PDE1C: variants seen among roughly 807,000 people sequenced by gnomAD.
The protein encoded by PDE1C is phosphodiesterase 1C, also known as dual specificity calcium/calmodulin-dependent 3',5'-cyclic nucleotide phosphodiesterase 1C.
In PDE1C, 62 loss-of-function variants were observed where a neutral mutation model predicts 93.1. The ratio of observed to expected loss-of-function variants is 0.67; its 90% confidence interval spans 0.54 to 0.82. PDE1C has a LOEUF of 0.82. Ranked by LOEUF, PDE1C falls within the 40% of genes least tolerant of loss-of-function variation. The pLI is 0.00. For synonymous variants in PDE1C, 325 were observed against 310.1 expected (o/e 1.05, Z -0.50); for missense variants, 742 against 884.6 (o/e 0.84, Z 2.04).
intron 12 of PDE1C, among the ~76,000 whole-genome samples, chr7:31,826,778 A>G (rs992195225): frequency 1.3e-5 from 2 of 152,146 alleles, no homozygotes; most frequent in Admixed American, 6.6e-5. Context: ...AAATCCTCCA[A>G]TTAATCCTCT....
intron 1 of PDE1C, among the ~76,000 whole-genome samples, chr7:32,269,415 A>T (rs569470753): frequency 6.6e-6 from 1 of 152,108 alleles, no homozygotes; most frequent in Admixed American, 6.6e-5. Context: ...GTATATATGC[A>T]TATGGCAGGG....
the PDE1C span, among the ~76,000 whole-genome samples, chr7:31,724,581 G>A: frequency 7.6e-3 from 1,158 of 152,214 alleles, 11 homozygotes; most frequent in African/African-American, 0.025. Context: ...TCTTTCCTTA[G>A]CCCAGTGCCC....
intron 1 of PDE1C, among the ~76,000 whole-genome samples, chr7:32,224,370 CA>C (rs79814137): frequency 1.7e-3 from 236 of 138,446 alleles, no homozygotes; most frequent in Non-Finnish European, 1.7e-3. Context: ...GACTCCATCT[CA>C]AAAAAAAAAA....
At chr7:32,191,395 C>G (rs537198562) in intron 2 of PDE1C, among the ~76,000 whole-genome samples, 5 of 152,096 alleles carry the variant, frequency 3.3e-5, no homozygotes, top group Non-Finnish European at 7.4e-5. Context: ...CACCCTACCC[C>G]CTCTTTTAAC....
chr7:32,210,923 A>G (rs963630709), intron 1 of PDE1C, among the ~76,000 whole-genome samples: 3 of 152,220 alleles, frequency 2.0e-5, no homozygotes, highest in Non-Finnish European at 4.4e-5. Flanking sequence ...TTTCAAAAAA[A>G]GAAAGAAATG....
At chr7:32,211,956 G>A (rs1480288326) in intron 1 of PDE1C, among the ~76,000 whole-genome samples, 1 of 149,238 alleles carries the variant, frequency 6.7e-6, no homozygotes, top group African/African-American at 2.5e-5. Context: ...AGCCCAGGAG[G>A]TTGAGGCTGC....
intron 1 of PDE1C, among the ~76,000 whole-genome samples, chr7:32,377,503 A>G (rs923117895): frequency 1.3e-5 from 2 of 152,162 alleles, no homozygotes; most frequent in African/African-American, 4.8e-5. Flanking sequence ...ATCTCTTTAT[A>G]GTTGCTTTGT....
upstream of PDE1C, among the ~76,000 whole-genome samples, chr7:32,073,262 C>T (rs957616864): frequency 2.6e-5 from 4 of 152,090 alleles, no homozygotes; most frequent in Non-Finnish European, 5.9e-5. Context: ...GATTTTGTTT[C>T]ATTTGAGAAA....
chr7:32,179,361 G>A (rs1026697894), intron 2 of PDE1C, among the ~76,000 whole-genome samples: 1 of 149,882 alleles, frequency 6.7e-6, no homozygotes, highest in Non-Finnish European at 1.5e-5. Flanking sequence ...CCAGGTTCAA[G>A]CGATTTCTCC....
intron 1 of PDE1C, among the ~76,000 whole-genome samples, chr7:32,267,279 G>T (rs34496191): frequency 7.9e-5 from 12 of 151,728 alleles, no homozygotes; most frequent in African/African-American, 1.7e-4. Context: ...GAGGAAGCAC[G>T]TCTAAGGGAC....
At chr7:31,867,920 TCACGTA>T (rs1795495348) in intron 6 of PDE1C, among the ~76,000 whole-genome samples, 1 of 152,098 alleles carries the variant, frequency 6.6e-6, no homozygotes, top group Non-Finnish European at 1.5e-5. Flanking sequence ...ACTGAAGAAA[TCACGTA>T]CACTGCTGAC....
chr7:32,050,788 A>T (rs1013762158), intron 2 of PDE1C, among the ~76,000 whole-genome samples: 2 of 152,210 alleles, frequency 1.3e-5, no homozygotes, highest in Non-Finnish European at 2.9e-5. Context: ...AAGTCAGCAA[A>T]CTACATCTGT....
chr7:32,264,627 G>A (rs990882706), intron 1 of PDE1C, among the ~76,000 whole-genome samples: 1 of 152,156 alleles, frequency 6.6e-6, no homozygotes, highest in African/African-American at 2.4e-5. Context: ...CCAGAACTTC[G>A]GTTGAATGCA....
At chr7:32,147,729 C>T (rs887005148) in intron 3 of PDE1C, among the ~76,000 whole-genome samples, 1 of 152,064 alleles carries the variant, frequency 6.6e-6, no homozygotes. Flanking sequence ...GAGACAACCA[C>T]AATTCCCATA....
chr7:32,333,068 A>G (rs890922963), intron 1 of PDE1C, among the ~76,000 whole-genome samples: 1 of 152,186 alleles, frequency 6.6e-6, no homozygotes, highest in African/African-American at 2.4e-5. Flanking sequence ...AACACTTAGG[A>G]AGAGTATTTG....
chr7:31,832,899 A>C (rs1336469545), intron 11 of PDE1C, among the ~76,000 whole-genome samples: 2 of 152,184 alleles, frequency 1.3e-5, no homozygotes, highest in African/African-American at 4.8e-5. Context: ...TTAATACCTC[A>C]AACTATATGA....
At chr7:32,366,792 G>A (rs891802276) in intron 1 of PDE1C, among the ~76,000 whole-genome samples, 12 of 151,790 alleles carry the variant, frequency 7.9e-5, no homozygotes, top group East Asian at 3.9e-4. Flanking sequence ...AAAGGCTGCC[G>A]GTCAGGCAGA....
intron 1 of PDE1C, among the ~76,000 whole-genome samples, chr7:32,361,805 A>G (rs186110423): frequency 2.0e-5 from 3 of 152,252 alleles, no homozygotes; most frequent in Admixed American, 2.0e-4. Flanking sequence ...TCTCCTCCCA[A>G]ACAGCCTTCT....
intron 2 of PDE1C, among the ~76,000 whole-genome samples, chr7:32,029,853 T>C (rs1440537989): frequency 2.6e-5 from 4 of 152,120 alleles, no homozygotes; most frequent in African/African-American, 7.2e-5. Flanking sequence ...AGACTGTCCC[T>C]TAATAAACAC....
Sources: gnomAD v4.1 joint callset for allele counts (sites outside exome capture counted in the v4.1 genomes callset) on GRCh38, gnomAD v4.1.1 for gene constraint, MANE v1.5 for transcripts, NCBI Gene and HGNC (gene_info 2026-07-23, HGNC 2026-07-21) for gene names.